Variants in GNA14 observed in about 807,000 individuals in gnomAD.
GNA14 encodes the protein G protein subunit alpha 14.
Under a neutral mutation model 42.0 loss-of-function variants are expected in GNA14, and 50 were observed. The observed-to-expected ratio is 1.19, with a 90% CI of 0.95 to 1.51. The LOEUF is 1.51. Among genes scored for constraint, GNA14 ranks in the 40% most tolerant of loss-of-function variants. GNA14 has a pLI of 0.00. For missense variants in GNA14, 473 were observed against 446.2 expected (o/e 1.06, Z -0.54); for synonymous variants, 173 against 163.1 (o/e 1.06, Z -0.46).
Position 77,563,124 on chromosome 9 carries a change from T to C in GNA14, c.125-33871A>G, listed in dbSNP as rs55831231. 6.1e-3 allele frequency among the ~76,000 whole-genome samples: 935 copies of C among 152,294 alleles called. 8 individuals are homozygous for C. The highest frequency in any genetic ancestry group is 0.019 in the African/African-American group (771 of 41,556). On this transcript the variant is annotated intron_variant, in intron 1 of 6. Coordinates refer to ENST00000341700, the MANE Select transcript of GNA14 (RefSeq NM_004297.4). ...ATTAAAGGCTCAAAACCCCTCACCA[T>C]GCACTGCTGCACAGCAAATGTAAAC...
intron 2 of GNA14, among the ~76,000 whole-genome samples, chr9:77,479,981 T>A (rs1836513791): frequency 6.6e-6 from 1 of 152,212 alleles, no homozygotes; most frequent in Non-Finnish European, 1.5e-5. Flanking sequence ...AGGTATACAA[T>A]CATGTCATCT....
chr9:77,513,665 A>G (rs933410227), intron 2 of GNA14, among the ~76,000 whole-genome samples: 1 of 152,272 alleles, frequency 6.6e-6, no homozygotes, highest in Middle Eastern at 3.4e-3. Flanking sequence ...TCTCTTTCGC[A>G]CCACTCTTCC....
chr9:77,441,952 G>C (rs1313192998), intron 2 of GNA14, among the ~76,000 whole-genome samples: 1 of 152,148 alleles, frequency 6.6e-6, no homozygotes, highest in East Asian at 1.9e-4. Context: ...TTTTCCTATA[G>C]AAAATAAACA....
At chr9:77,578,089 AATGGTG>A (rs979281384) in intron 1 of GNA14, among the ~76,000 whole-genome samples, 8 of 118,804 alleles carry the variant, frequency 6.7e-5, no homozygotes, top group African/African-American at 4.9e-4. Context: ...AACATGGTGA[AATGGTG>A]AAACTCCGTC....
At chr9:77,441,592 T>C (rs1193110265) in intron 2 of GNA14, among the ~76,000 whole-genome samples, 1 of 152,204 alleles carries the variant, frequency 6.6e-6, no homozygotes, top group African/African-American at 2.4e-5. Flanking sequence ...GAGATTAAGA[T>C]AAAATATATT....
rs1469792971 is a variant in GNA14, at chr9:77,423,782, ATG to A, written c.*195_*196del. The A allele has an allele frequency of 2.7e-6, 1 of 368,466 alleles. No individual in the cohort carries two copies. The highest frequency in any genetic ancestry group is 4.9e-6 in the Non-Finnish European group (1 of 205,516). 22.8% of individuals were successfully genotyped at this position (368,466 alleles called of 1,614,324 possible). On this transcript the variant is annotated 3_prime_UTR_variant, in exon 7 of 7. Coordinates refer to ENST00000341700, the MANE Select transcript of GNA14 (RefSeq NM_004297.4). ...AAAATAATTATAAACACAATTTGGG[ATG>A]TAAGGACTTTTAAAGTATGTTGGTA...
chr9:77,423,753 C>A lies in GNA14; in HGVS notation c.*226G>T, dbSNP rs1223975578. ...TACACAAAATCTTATAGCCAAAAGT[C>A]AAGAAAATAATTATAAACACAATTT... On this transcript the variant is annotated 3_prime_UTR_variant, in exon 7 of 7. Transcript: ENST00000341700. 6.4e-6 allele frequency: 2 copies of A among 314,076 alleles called. No individual in the cohort carries two copies. Among genetic ancestry groups the A allele is most frequent in the African/African-American group, 2.1e-5 (1 of 46,744 alleles). The allele number at this position is 314,076 out of a possible 1,614,324, so 19.5% of individuals were successfully genotyped here. A position where few individuals can be genotyped will look rare whatever the true frequency, so the allele number is the denominator to read the frequency against.
At chr9:77,517,151 G>A (rs1837270767) in intron 2 of GNA14, among the ~76,000 whole-genome samples, 1 of 152,140 alleles carries the variant, frequency 6.6e-6, no homozygotes, top group African/African-American at 2.4e-5. Flanking sequence ...AAATATCATG[G>A]GAATTCTTCC....
intron 2 of GNA14, among the ~76,000 whole-genome samples, chr9:77,517,704 C>G (rs1342343340): frequency 7.0e-6 from 1 of 142,578 alleles, no homozygotes; most frequent in Non-Finnish European, 1.5e-5. Context: ...CATCCCCAGG[C>G]TCAGGTGATT....
At chr9:77,627,870 T>C (rs917467623) in intron 1 of GNA14, among the ~76,000 whole-genome samples, 1 of 151,954 alleles carries the variant, frequency 6.6e-6, no homozygotes, top group African/African-American at 2.4e-5. Flanking sequence ...CTATTCAACA[T>C]AGTATTGGAA....
intron 1 of GNA14, among the ~76,000 whole-genome samples, chr9:77,583,590 A>T (rs528610426): frequency 6.6e-6 from 1 of 152,292 alleles, no homozygotes; most frequent in East Asian, 1.9e-4. Flanking sequence ...TATGTGTGAG[A>T]GACACTGAAC....
chr9:77,482,345 G>C (rs974033396), intron 2 of GNA14, among the ~76,000 whole-genome samples: 3 of 152,114 alleles, frequency 2.0e-5, no homozygotes, highest in African/African-American at 4.8e-5. Flanking sequence ...AGAATTCTGG[G>C]TTGAAAATTC....
chr9:77,478,101 T>A lies in GNA14; in HGVS notation c.310-43579A>T, dbSNP rs532838558. On this transcript the variant is annotated intron_variant, in intron 2 of 6. Coordinates refer to ENST00000341700, the MANE Select transcript of GNA14 (RefSeq NM_004297.4). ...TGCAGGGTTTTTACATATTTATATA[T>A]GTGCCATGTTGGTGTGCTGCACCCA... 1.1e-4 allele frequency among the ~76,000 whole-genome samples: 17 copies of A among 152,078 alleles called. No individual in the cohort carries two copies. In the South Asian group the frequency reaches 3.5e-3, roughly 32 times the overall value.
intron 5 of GNA14, among the ~76,000 whole-genome samples, chr9:77,426,857 G>A (rs1835460932): frequency 6.6e-6 from 1 of 152,106 alleles, no homozygotes; most frequent in Admixed American, 6.5e-5. Flanking sequence ...GGAGGGAAGG[G>A]ATCACAGTGA....
intron 3 of GNA14, chr9:77,431,748 G>A (rs1196391264): frequency 3.7e-6 from 1 of 270,626 alleles, no homozygotes; most frequent in Non-Finnish European, 7.0e-6. Context: ...GGGAGACAGT[G>A]GGGCTGGAAG....
At chr9:77,528,917 T>A (rs1262322094) in intron 2 of GNA14, 152 bp downstream of exon 2, 1 of 658,590 alleles carries the variant, frequency 1.5e-6, no homozygotes, top group African/African-American at 1.8e-5. Context: ...GGGGGCTAAC[T>A]AAATTCCTTA....
intron 1 of GNA14, among the ~76,000 whole-genome samples, chr9:77,579,124 C>T (rs932705777): frequency 1.3e-5 from 2 of 152,150 alleles, no homozygotes; most frequent in African/African-American, 4.8e-5. Context: ...GGGCATCAGT[C>T]CCACCCTATG....
intron 2 of GNA14, among the ~76,000 whole-genome samples, chr9:77,490,610 G>A (rs183471198): frequency 8.1e-4 from 123 of 152,338 alleles, no homozygotes; most frequent in Non-Finnish European, 1.3e-3. Flanking sequence ...TACACCCTCC[G>A]CAGCCACTGG....
chr9:77,563,656 G>A (rs1822918997), intron 1 of GNA14, among the ~76,000 whole-genome samples: 1 of 152,054 alleles, frequency 6.6e-6, no homozygotes, highest in African/African-American at 2.4e-5. Context: ...AGGAGAAACT[G>A]GGCTGCTGTT....
Sources: allele counts gnomAD v4.1 joint callset (sites outside exome capture counted in the v4.1 genomes callset), GRCh38; gene constraint gnomAD v4.1.1; transcripts MANE v1.5; gene names NCBI Gene and HGNC (gene_info 2026-07-23, HGNC 2026-07-21).